The following EEF2K variants were observed in gnomAD, a reference collection of about 807,000 sequenced individuals.
EEF2K encodes the protein alternative protein EEF2K.
EEF2K carries 70 observed loss-of-function variants against 93.8 expected under a neutral mutation model. The ratio of observed to expected loss-of-function variants is 0.75; its 90% CI spans 0.62 to 0.91. The LOEUF (loss-of-function observed/expected upper bound fraction) is 0.91, where lower values mean the gene tolerates loss of function less well. Among genes scored for constraint, EEF2K ranks in the 40% least tolerant of loss-of-function variants. EEF2K has a pLI of 0.00. For synonymous variants in EEF2K, 376 were observed against 380.8 expected (o/e 0.99, Z 0.15); for missense variants, 935 against 972.9 (o/e 0.96, Z 0.52).
intron 2 of EEF2K, among the ~76,000 whole-genome samples, chr16:22,242,656 C>G (rs2047235196): frequency 6.6e-6 from 1 of 151,922 alleles, no homozygotes; most frequent in Admixed American, 6.6e-5. Flanking sequence ...TTTGGGCCAT[C>G]ATAATGATGG....
rs1422846725 is a variant in EEF2K, at chr16:22,288,658, G to C, written c.*4662G>C. The C allele has an allele frequency of 6.6e-6, 1 of 152,036 alleles. No homozygotes were observed. The highest frequency in any genetic ancestry group is 2.4e-5 in the African/African-American group (1 of 41,410). 9.4% of individuals were successfully genotyped at this position (152,036 alleles called of 1,614,324 possible). The stretch of plus-strand genomic sequence containing the variant: ...TACTCAAGATGGGGCCCAGAGAAGT[G>C]GCCTGCGTTACAGATTTATTTTGGC... On this transcript the variant is annotated 3_prime_UTR_variant, in exon 18 of 18. Coordinates refer to ENST00000263026, the MANE Select transcript of EEF2K (RefSeq NM_013302.5).
chr16:22,216,744 G>A (rs1362457239), intron 1 of EEF2K, among the ~76,000 whole-genome samples: 1 of 152,080 alleles, frequency 6.6e-6, no homozygotes, highest in Non-Finnish European at 1.5e-5. Context: ...ATAAATAAAG[G>A]AACCAGAAGA....
intron 2 of EEF2K, among the ~76,000 whole-genome samples, chr16:22,229,723 C>T (rs886300621): frequency 2.6e-5 from 4 of 151,894 alleles, no homozygotes; most frequent in Non-Finnish European, 5.9e-5. Context: ...GGGGGAAAGG[C>T]GAACATTATT....
At chr16:22,207,312 G>A (rs180993275) in intron 1 of EEF2K, among the ~76,000 whole-genome samples, 1 of 152,296 alleles carries the variant, frequency 6.6e-6, no homozygotes, top group Admixed American at 6.5e-5. Flanking sequence ...GAGTGTGACA[G>A]ATGGGCCGCA....
chr16:22,252,502 G>T (rs901168573), intron 6 of EEF2K, among the ~76,000 whole-genome samples: 1 of 152,170 alleles, frequency 6.6e-6, no homozygotes, highest in Non-Finnish European at 1.5e-5. Flanking sequence ...CCCTATTGCC[G>T]AGCCAATCAC....
Position 22,244,644 on chromosome 16 carries a change from C to G in EEF2K, c.261C>G (p.His87Gln). The G allele has an allele frequency of 6.2e-7, 1 of 1,613,996 alleles. No individual in the cohort carries two copies. The highest frequency in any genetic ancestry group is 8.5e-7 in the Non-Finnish European group (1 of 1,179,930). Reference sequence around the variant, plus strand: ...GCCTTCCACAGGAAGCCTGGAAGCACGCAATCCAGAAGGCCAAGCACATGC... The same window carrying G: ...GCCTTCCACAGGAAGCCTGGAAGCAGGCAATCCAGAAGGCCAAGCACATGC... ...NSFHFKEAWKHAIQKAKHMPD... is the reference protein window; with the variant it reads ...NSFHFKEAWKQAIQKAKHMPD... Residue 87 changes from histidine to glutamine, a missense_variant, in exon 3 of 18, where the codon CAC becomes CAG. Coordinates refer to ENST00000263026, the MANE Select transcript of EEF2K (RefSeq NM_013302.5).
At chr16:22,242,469 C>G (rs576532668) in intron 2 of EEF2K, among the ~76,000 whole-genome samples, 1 of 151,732 alleles carries the variant, frequency 6.6e-6, no homozygotes, top group Non-Finnish European at 1.5e-5. Flanking sequence ...TACACGTATG[C>G]ACCCAGCTTT....
intron 1 of EEF2K, among the ~76,000 whole-genome samples, chr16:22,218,376 G>C (rs2046978734): frequency 6.6e-6 from 1 of 152,222 alleles, no homozygotes. Context: ...TTGGCTTTGG[G>C]ATGCTGGTTC....
At chr16:22,215,051 G>A (rs1421923788) in intron 1 of EEF2K, among the ~76,000 whole-genome samples, 2 of 152,122 alleles carry the variant, frequency 1.3e-5, no homozygotes, top group Non-Finnish European at 2.9e-5. Context: ...AGTCTGATAG[G>A]TTGTGGAATG....
intron 10 of EEF2K, among the ~76,000 whole-genome samples, chr16:22,260,227 A>G (rs1448958831): frequency 2.0e-5 from 3 of 152,210 alleles, no homozygotes; most frequent in Non-Finnish European, 4.4e-5. Context: ...CACATAGGTG[A>G]CACCACTTGG....
rs1187227121 is a variant in EEF2K at position 22,260,458 on chromosome 16, C to T, written c.1232-4C>T. 1.9e-6 allele frequency: 3 copies of T among 1,613,972 alleles called. No homozygotes were observed. Among genetic ancestry groups the T allele is most frequent in the African/African-American group, 2.7e-5 (2 of 74,884 alleles). ...GGACATGATGTCTGTTTCTCCCTGC[C>T]CAGATTGGCCAGTGTTCAGTGACCT... On this transcript the variant is annotated splice_polypyrimidine_tract_variant and splice_region_variant and intron_variant, in intron 10 of 17. Coordinates refer to ENST00000263026, the MANE Select transcript of EEF2K (RefSeq NM_013302.5).
chr16:22,260,692 G>A (rs1179938738), intron 11 of EEF2K, among the ~76,000 whole-genome samples, 163 bp downstream of exon 11: 1 of 152,240 alleles, frequency 6.6e-6, no homozygotes, highest in East Asian at 1.9e-4. Flanking sequence ...ATGAATGTCA[G>A]CCTCCAGTCC....
intron 1 of EEF2K, among the ~76,000 whole-genome samples, chr16:22,214,019 G>T (rs752153971): frequency 6.6e-6 from 1 of 152,204 alleles, no homozygotes; most frequent in Non-Finnish European, 1.5e-5. Flanking sequence ...TCTGCCTGCC[G>T]CAGACAGTCT....
At chr16:22,238,079 C>CA (rs2047184790) in intron 2 of EEF2K, among the ~76,000 whole-genome samples, 1 of 152,108 alleles carries the variant, frequency 6.6e-6, no homozygotes, top group Admixed American at 6.6e-5. Flanking sequence ...CACCTGAGGC[C>CA]AGGAGTTCAA....
At chr16:22,244,880 G>A in intron 3 of EEF2K, 150 bp downstream of exon 3, 1 of 759,258 alleles carries the variant, frequency 1.3e-6, no homozygotes. Flanking sequence ...CGTGCTTAAG[G>A]CCCGGTGCAT....
chr16:22,255,483 A>G (rs1208542098), intron 6 of EEF2K, among the ~76,000 whole-genome samples: 4 of 152,170 alleles, frequency 2.6e-5, no homozygotes, highest in Non-Finnish European at 5.9e-5. Context: ...GGCTGGAGTT[A>G]CATCATTGCA....
At chr16:22,224,298 G>A (rs2047041685) in intron 1 of EEF2K, among the ~76,000 whole-genome samples, 1 of 151,966 alleles carries the variant, frequency 6.6e-6, no homozygotes, top group Admixed American at 6.6e-5. Context: ...GGAGGTATTG[G>A]GCATACAGAC....
intron 10 of EEF2K, among the ~76,000 whole-genome samples, chr16:22,259,814 G>A (rs1392380393): frequency 7.9e-5 from 12 of 152,028 alleles, no homozygotes; most frequent in African/African-American, 1.7e-4. Context: ...ATGCGGTGGC[G>A]TGATCTTGGC....
At chr16:22,242,389 T>G (rs1441615189) in intron 2 of EEF2K, among the ~76,000 whole-genome samples, 1 of 151,750 alleles carries the variant, frequency 6.6e-6, no homozygotes, top group East Asian at 1.9e-4. Flanking sequence ...TGGCCTGATC[T>G]CCATTCACTG....
Sources: allele counts gnomAD v4.1 joint callset (sites outside exome capture counted in the v4.1 genomes callset), GRCh38; gene constraint gnomAD v4.1.1; transcripts MANE v1.5; gene names NCBI Gene and HGNC (gene_info 2026-07-23, HGNC 2026-07-21).